Variants in AKT3 observed in about 807,000 individuals in gnomAD.
AKT3 encodes AKT serine/threonine kinase 3.
In AKT3, 15 loss-of-function variants were observed where a neutral mutation model predicts 65.3. That is an observed-to-expected ratio of 0.23 (90% CI 0.15 to 0.35). The LOEUF (loss-of-function observed/expected upper bound fraction) is 0.35, where lower values mean the gene tolerates loss of function less well. AKT3 is among the 10% of genes least tolerant of loss of function. AKT3 has a pLI of 1.00. For missense variants in AKT3, 243 were observed against 576.5 expected, an observed-to-expected ratio of 0.42 and a Z score of 5.92; for synonymous variants, 206 against 183.8, an observed-to-expected ratio of 1.12 and a Z score of -0.98.
At chr1:243,488,866 TG>T (rs780186885) in intron 13 of AKT3, 2 of 1,065,478 alleles carry the variant, frequency 1.9e-6, no homozygotes, top group Non-Finnish European at 2.8e-6. Context: ...AAGGACCTAG[TG>T]CCAGCCAGAG....
Position 243,849,521 on chromosome 1 carries a change from C to G in AKT3, c.-113+519G>C, listed in dbSNP as rs564976080. Among the ~76,000 whole-genome samples, 33 of 151,580 alleles carry G rather than the reference C, an allele frequency of 2.2e-4. No individual in the cohort carries two copies. In the South Asian group the frequency reaches 6.5e-3, roughly 30 times the overall value. On this transcript the variant is annotated intron_variant, in intron 1 of 13. Coordinates refer to ENST00000673466, the MANE Select transcript of AKT3 (RefSeq NM_005465.7). ...ACCCCACGCGCAGACAGCCTCAGCG[C>G]CAGGGCGCGCGGCAGACGGCTCCCT...
chr1:243,664,419 T>C (rs1682629346), intron 4 of AKT3, among the ~76,000 whole-genome samples: 1 of 151,730 alleles, frequency 6.6e-6, no homozygotes, highest in Non-Finnish European at 1.5e-5. Context: ...TCAGCCAGGA[T>C]AGTCTCGATC....
chr1:243,711,289 T>C (rs778729423), intron 2 of AKT3, among the ~76,000 whole-genome samples: 54 of 152,186 alleles, frequency 3.5e-4, no homozygotes, highest in African/African-American at 1.1e-3. Flanking sequence ...GACCATGCCA[T>C]TGCACTCCAG....
At chr1:243,671,201 C>T (rs7365935) in intron 3 of AKT3, among the ~76,000 whole-genome samples, 2 of 151,952 alleles carry the variant, frequency 1.3e-5, no homozygotes. Flanking sequence ...CCTCAGCCTC[C>T]TGAGTAGCTG....
At chr1:243,679,543 A>C (rs1176941623) in intron 3 of AKT3, among the ~76,000 whole-genome samples, 1 of 152,224 alleles carries the variant, frequency 6.6e-6, no homozygotes, top group Admixed American at 6.5e-5. Flanking sequence ...TAAGTTGTCA[A>C]GTAATATTAC....
chr1:243,738,154 G>A (rs954678022), intron 2 of AKT3, among the ~76,000 whole-genome samples: 6 of 152,270 alleles, frequency 3.9e-5, no homozygotes, highest in African/African-American at 1.4e-4. Context: ...TTATGCAACA[G>A]TTCTTTACAA....
chr1:243,638,152 G>A (rs1305735402), intron 5 of AKT3, among the ~76,000 whole-genome samples: 1 of 152,124 alleles, frequency 6.6e-6, no homozygotes, highest in Admixed American at 6.5e-5. Flanking sequence ...TGCTTTGGAA[G>A]GAGCTATCTG....
At chr1:243,631,289 C>T (rs1679588696) in intron 6 of AKT3, among the ~76,000 whole-genome samples, 1 of 152,078 alleles carries the variant, frequency 6.6e-6, no homozygotes, top group Non-Finnish European at 1.5e-5. Context: ...GTGGCAGTTG[C>T]CAAAGGTGAG....
At chr1:243,625,777 T>G (rs1260405768) in intron 6 of AKT3, among the ~76,000 whole-genome samples, 1 of 152,198 alleles carries the variant, frequency 6.6e-6, no homozygotes, top group East Asian at 1.9e-4. Context: ...TATCTTTGAT[T>G]CTGAATGTTG....
intron 2 of AKT3, among the ~76,000 whole-genome samples, chr1:243,721,107 T>C (rs984105558): frequency 2.0e-5 from 3 of 152,060 alleles, no homozygotes; most frequent in Non-Finnish European, 4.4e-5. Context: ...TAATAAAGAC[T>C]AGATCTCTCT....
At chr1:243,733,483 T>G (rs1288047842) in intron 2 of AKT3, among the ~76,000 whole-genome samples, 2 of 152,208 alleles carry the variant, frequency 1.3e-5, no homozygotes, top group Non-Finnish European at 2.9e-5. Context: ...CAGCTGTAAC[T>G]ACATTGCACA....
chr1:243,528,106 A>T (rs1293356780), intron 12 of AKT3, among the ~76,000 whole-genome samples: 2 of 152,052 alleles, frequency 1.3e-5, no homozygotes, highest in African/African-American at 2.4e-5. Context: ...CCTCCTTTCT[A>T]TAGGTTAGCT....
chr1:243,808,256 C>G (rs1692883110), intron 2 of AKT3: 1 of 152,040 alleles, frequency 6.6e-6, no homozygotes, highest in African/African-American at 2.4e-5. Flanking sequence ...AGTTGGAACC[C>G]AACACAAAGA....
intron 2 of AKT3, among the ~76,000 whole-genome samples, chr1:243,790,567 G>A (rs575580892): frequency 1.6e-3 from 244 of 152,220 alleles, no homozygotes; most frequent in Non-Finnish European, 3.2e-3. Flanking sequence ...CGGCTGTTTC[G>A]CTTTCTTATC....
chr1:243,845,587 T>TAAAAAAA (rs1695480746), intron 1 of AKT3, among the ~76,000 whole-genome samples: 1 of 13,912 alleles, frequency 7.2e-5, no homozygotes, highest in Non-Finnish European at 2.7e-4. Context: ...AGAACCTGTC[T>TAAAAAAA]CAAAAAAAAA....
intron 3 of AKT3, among the ~76,000 whole-genome samples, chr1:243,667,825 A>G (rs947036875): frequency 6.6e-6 from 1 of 152,114 alleles, no homozygotes; most frequent in Admixed American, 6.5e-5. Context: ...ACTCTCTTTC[A>G]GGCTGCTCTG....
intron 2 of AKT3, among the ~76,000 whole-genome samples, chr1:243,751,615 G>T (rs1380686957): frequency 6.6e-6 from 1 of 152,148 alleles, no homozygotes; most frequent in Non-Finnish European, 1.5e-5. Flanking sequence ...TGTGGGGAGA[G>T]GGGCACTTTG....
At chr1:243,687,953 A>G (rs1283930274) in intron 3 of AKT3, 2 of 152,196 alleles carry the variant, frequency 1.3e-5, no homozygotes, top group Non-Finnish European at 2.9e-5. Flanking sequence ...TATTCCTTAC[A>G]GTGGGATACA....
intron 4 of AKT3, among the ~76,000 whole-genome samples, chr1:243,664,163 G>T (rs1682596595): frequency 7.0e-6 from 1 of 142,810 alleles, no homozygotes; most frequent in African/African-American, 2.6e-5. Context: ...TTTTAAAAAA[G>T]GTAGTTTGGC....
Sources: allele counts gnomAD v4.1 joint callset (sites outside exome capture counted in the v4.1 genomes callset), GRCh38; gene constraint gnomAD v4.1.1; transcripts MANE v1.5; gene names NCBI Gene and HGNC (gene_info 2026-07-23, HGNC 2026-07-21).